Variants in IL6ST observed in about 807,000 individuals in gnomAD.
IL6ST encodes interleukin-6 receptor subunit beta.
IL6ST carries 24 observed loss-of-function variants against 91.3 expected under a neutral mutation model. The ratio of observed to expected loss-of-function variants is 0.26; its 90% CI spans 0.19 to 0.37. IL6ST has a LOEUF of 0.37. Among genes scored for constraint, IL6ST ranks in the 10% least tolerant of loss-of-function variants. The probability of loss-of-function intolerance (pLI) is 1.00; values close to 1 mark genes in which losing one functional copy is unlikely to be tolerated. For missense variants in IL6ST, 914 were observed against 1,078.5 expected, an observed-to-expected ratio of 0.85 and a Z score of 2.14; for synonymous variants, 351 against 373.6, an observed-to-expected ratio of 0.94 and a Z score of 0.70.
At position 55,936,327 on chromosome 5, in the gene IL6ST, T is replaced by G. The variant is rs1396190243; in HGVS notation, c.*4755A>C. ...CGCAGCACCTCCATACTTGGGCTCT[T>G]GACAACCAAGTAGGTTTTTTTTTTT... On this transcript the variant is annotated 3_prime_UTR_variant, in exon 17 of 17. Coordinates refer to ENST00000381298, the MANE Select transcript of IL6ST (RefSeq NM_002184.4). 4.5e-6 allele frequency: 1 copy of G among 220,410 alleles called. No individual in the cohort carries two copies. The highest frequency in any genetic ancestry group is 2.3e-5 in the African/African-American group (1 of 43,876). 13.7% of individuals were successfully genotyped at this position (220,410 alleles called of 1,614,324 possible).
Position 55,954,942 on chromosome 5 carries a change from A to G in IL6ST, c.1318T>C (p.Trp440Arg). 6.2e-7 allele frequency: 1 copy of G among 1,612,822 alleles called. No individual in the cohort carries two copies. Among genetic ancestry groups the G allele is most frequent in the Non-Finnish European group, 8.5e-7 (1 of 1,179,298 alleles). Residue 440 changes from tryptophan (W) to arginine (R), a missense_variant, in exon 11 of 17, where the codon TGG becomes CGG. Trp to Arg is a moderately radical substitution (Grantham distance 101). Coordinates refer to ENST00000381298, the MANE Select transcript of IL6ST (RefSeq NM_002184.4). ...TCCCTTGGAGTAGTCCATTCCACCCAAAGCATGTTATCTTTGGGGAATGCT... is the reference window on the plus strand; with the variant it reads ...TCCCTTGGAGTAGTCCATTCCACCCGAAGCATGTTATCTTTGGGGAATGCT... ...LKAFPKDNML[W>R]VEWTTPRESV...
chr5:55,941,165 C>T lies in IL6ST; in HGVS notation c.2674G>A (p.Gly892Ser), dbSNP rs763059276. ...CCTTCATCAGTCGCAGCCTCCATGC[C>T]AACTGTTTCAAATCTTTCTACTTGT... is the stretch of plus-strand genomic sequence containing the variant. ...EGQVERFETV[G>S]MEAATDEGMP... The change falls in exon 17 of 17, where the codon GGC becomes AGC. Residue 892 changes from glycine (G) to serine (S), a missense_variant. Physicochemically the swap from Gly to Ser is moderately conservative, Grantham distance 56. Coordinates refer to ENST00000381298, the MANE Select transcript of IL6ST (RefSeq NM_002184.4). 1.2e-6 allele frequency: 2 copies of T among 1,614,082 alleles called. No individual in the cohort carries two copies. The highest frequency in any genetic ancestry group is 1.7e-6 in the Non-Finnish European group (2 of 1,179,956).
At chr5:55,971,848 C>A (rs1479778701) in intron 3 of IL6ST, among the ~76,000 whole-genome samples, 2 of 152,190 alleles carry the variant, frequency 1.3e-5, no homozygotes, top group African/African-American at 4.8e-5. Flanking sequence ...CAGGACCTCT[C>A]ACAAAGCCTG....
In IL6ST at chr5:55,961,651, G is replaced by A. The variant is rs749236532; in HGVS notation, c.814-1090C>T. ...CACACACCTGTAATCCCAGCTACTC[G>A]GGAGTCTGAGGCAGAAGAATCGCTT... On this transcript the variant is annotated intron_variant, in intron 7 of 16. Coordinates refer to ENST00000381298, the MANE Select transcript of IL6ST (RefSeq NM_002184.4). Among the ~76,000 whole-genome samples the A allele has an allele frequency of 5.9e-5, 9 of 152,016 alleles. No individual in the cohort carries two copies. The East Asian group carries it at 7.7e-4, about 13-fold the overall frequency.
rs1750537885 is a variant in IL6ST, at chr5:55,936,416, A to G, written c.*4666T>C. 1 of 214,334 alleles carries G rather than the reference A, an allele frequency of 4.7e-6. No homozygotes were observed. The highest frequency in any genetic ancestry group is 2.3e-5 in the African/African-American group (1 of 43,736). The allele number at this position is 214,334 out of a possible 1,614,324, so 13.3% of individuals were successfully genotyped here. A position where few individuals can be genotyped will look rare whatever the true frequency, so the allele number is the denominator to read the frequency against. On this transcript the variant is annotated 3_prime_UTR_variant, in exon 17 of 17. Transcript: ENST00000381298. ...CGATTTCAGACCTCAGCTATTAAAT[A>G]GTAAATCTGGAAAACTAGTGGATAA...
At chr5:55,983,443 C>T (rs1012924692) in intron 1 of IL6ST, among the ~76,000 whole-genome samples, 3 of 152,160 alleles carry the variant, frequency 2.0e-5, no homozygotes, top group Non-Finnish European at 4.4e-5. Context: ...TCTACTAGCA[C>T]TAAATTAAGC....
chr5:55,979,046 TAAC>T (rs1753487416), intron 2 of IL6ST, among the ~76,000 whole-genome samples: 3 of 152,012 alleles, frequency 2.0e-5, no homozygotes, highest in African/African-American at 7.2e-5. Flanking sequence ...CAATGAAAAA[TAAC>T]AACAGATACA....
intron 2 of IL6ST, among the ~76,000 whole-genome samples, chr5:55,977,636 G>C (rs955631950): frequency 6.6e-6 from 1 of 152,074 alleles, no homozygotes; most frequent in African/African-American, 2.4e-5. Context: ...GACGAGCCTG[G>C]CCAACATGGT....
At chr5:55,983,137 C>T (rs1428947287) in intron 1 of IL6ST, among the ~76,000 whole-genome samples, 1 of 151,842 alleles carries the variant, frequency 6.6e-6, no homozygotes, top group African/African-American at 2.4e-5. Flanking sequence ...GTAGCTGGGA[C>T]TAGAGATGGC....
Position 55,967,309 on chromosome 5 carries a change from C to CAAAAAAAAAA in IL6ST, c.491+957_491+966dup, listed in dbSNP as rs60547666. Among the ~76,000 whole-genome samples, 55 of 31,902 alleles carry CAAAAAAAAAA rather than the reference C, an allele frequency of 1.7e-3. 4 individuals are homozygous for CAAAAAAAAAA. Among genetic ancestry groups the CAAAAAAAAAA allele is most frequent in the African/African-American group, 5.7e-3 (31 of 5,408 alleles). The allele number at this position is 31,902 out of a possible 152,430, so 20.9% of individuals were successfully genotyped here. Reference sequence around the variant, plus strand: ...TAGGTGACAGAGCAAGACTCCATCTCAAAAAAAAAAAAAAAAAAAAAAAAA... The same window carrying CAAAAAAAAAA: ...TAGGTGACAGAGCAAGACTCCATCTCAAAAAAAAAAAAAAAAAAAAAAAAAAAAAAAAAAA... On this transcript the variant is annotated intron_variant, in intron 5 of 16. Transcript: ENST00000381298.
At position 55,943,321 on chromosome 5, in the gene IL6ST, AAAAG is replaced by A. The variant is rs59925859; in HGVS notation, c.1938-574_1938-571del. On this transcript the variant is annotated intron_variant, in intron 15 of 16. Coordinates refer to ENST00000381298, the MANE Select transcript of IL6ST (RefSeq NM_002184.4). ...ACAAATTACCAAAACAGATTGAAGA[AAAAG>A]AAAGCTATATTTATAAAGAAATTGA... Among the ~76,000 whole-genome samples the A allele has an allele frequency of 1.3e-4, 20 of 152,350 alleles. No homozygotes were observed. In the East Asian group the frequency reaches 3.7e-3, roughly 28 times the overall value.
chr5:55,969,090 G>T (rs1254604341), intron 4 of IL6ST, among the ~76,000 whole-genome samples: 1 of 151,840 alleles, frequency 6.6e-6, no homozygotes, highest in Non-Finnish European at 1.5e-5. Flanking sequence ...AGCTACTTGG[G>T]AGGCTGAGGC....
At chr5:55,981,145 GC>G (rs1240339734) in intron 2 of IL6ST, among the ~76,000 whole-genome samples, 13 of 152,296 alleles carry the variant, frequency 8.5e-5, no homozygotes, top group Admixed American at 3.9e-4. Flanking sequence ...CACAAGCAAA[GC>G]GAACTAGGCA....
rs1751381190 is a variant in IL6ST, at chr5:55,947,976, G to A, written c.1841-387C>T. ...CTGAGTTCTAATACTGTATAACAGA[G>A]AAATTATGTCAGAACAAATATAAAT... is the stretch of plus-strand genomic sequence containing the variant. On this transcript the variant is annotated intron_variant, in intron 14 of 16. Transcript: ENST00000381298. Among the ~76,000 whole-genome samples, 4 of 152,108 alleles carry A rather than the reference G, an allele frequency of 2.6e-5. No homozygotes were observed. In the South Asian group the frequency reaches 8.3e-4, roughly 32 times the overall value.
intron 7 of IL6ST, among the ~76,000 whole-genome samples, chr5:55,961,907 G>C (rs1460555805): frequency 2.6e-5 from 4 of 152,162 alleles, no homozygotes; most frequent in South Asian, 2.1e-4. Context: ...GAAACCCACA[G>C]ATGAAATCTA....
chr5:55,983,001 T>G (rs1206187135), intron 1 of IL6ST, among the ~76,000 whole-genome samples, 190 bp from the exon 2 acceptor site: 1 of 121,850 alleles, frequency 8.2e-6, no homozygotes, highest in Admixed American at 8.2e-5. Flanking sequence ...ATTCTAGTGC[T>G]TTTTTTTTTT....
chr5:55,987,277 T>G (rs991454400), intron 1 of IL6ST, among the ~76,000 whole-genome samples: 1 of 152,226 alleles, frequency 6.6e-6, no homozygotes, highest in Non-Finnish European at 1.5e-5. Flanking sequence ...CATTTTTTTG[T>G]AGTATGGTTA....
chr5:55,958,223 A>G (rs746277625), intron 8 of IL6ST, among the ~76,000 whole-genome samples: 1 of 152,180 alleles, frequency 6.6e-6, no homozygotes, highest in Non-Finnish European at 1.5e-5. Context: ...CTCCCACCTC[A>G]GCAACCCAAG....
chr5:55,955,745 T>C (rs1751913989), intron 10 of IL6ST, among the ~76,000 whole-genome samples: 1 of 152,188 alleles, frequency 6.6e-6, no homozygotes, highest in Non-Finnish European at 1.5e-5. Context: ...ACTAGCTGGG[T>C]TTGGTGGCAT....
Sources: allele counts gnomAD v4.1 joint callset (sites outside exome capture counted in the v4.1 genomes callset), GRCh38; gene constraint gnomAD v4.1.1; transcripts MANE v1.5; gene names NCBI Gene and HGNC (gene_info 2026-07-23, HGNC 2026-07-21).